RHBDD1: variants seen among roughly 807,000 people sequenced by gnomAD.
The protein encoded by RHBDD1 is rhomboid-related protein 4.
A neutral mutation model predicts 36.3 loss-of-function variants in RHBDD1; 38 were observed. That is an observed-to-expected ratio of 1.05 (90% CI 0.81 to 1.37). The LOEUF is 1.37. Among genes scored for constraint, RHBDD1 ranks in the 40% most tolerant of loss-of-function variants. The pLI is 0.00. For missense variants in RHBDD1, 393 were observed against 377.6 expected, an observed-to-expected ratio of 1.04 and a Z score of -0.34; for synonymous variants, 151 against 136.5, an observed-to-expected ratio of 1.11 and a Z score of -0.74.
chr2:226,864,089 C>T (rs1015381382), intron 3 of RHBDD1, among the ~76,000 whole-genome samples: 2 of 152,052 alleles, frequency 1.3e-5, no homozygotes, highest in African/African-American at 4.8e-5. Context: ...GAGTTCAGAC[C>T]ACTGATATCT....
intron 5 of RHBDD1, among the ~76,000 whole-genome samples, chr2:226,877,003 A>G (rs575400470): frequency 1.3e-5 from 2 of 152,204 alleles, no homozygotes; most frequent in Non-Finnish European, 2.9e-5. Context: ...TCCTAGAGCT[A>G]TATCATTTTG....
chr2:226,936,580 G>A (rs984258894), intron 8 of RHBDD1, among the ~76,000 whole-genome samples: 2 of 152,046 alleles, frequency 1.3e-5, no homozygotes, highest in African/African-American at 4.8e-5. Flanking sequence ...AACAATAAAA[G>A]CGTAAAGAAA....
At chr2:226,835,068 G>A (rs761128042), upstream of RHBDD1, among the ~76,000 whole-genome samples, 7 of 152,166 alleles carry the variant, frequency 4.6e-5, no homozygotes, top group African/African-American at 9.7e-5. Flanking sequence ...GGGCCACCGC[G>A]CCAGGCCTGT....
At chr2:226,853,084 CTTA>C (rs1267852008) in intron 3 of RHBDD1, among the ~76,000 whole-genome samples, 1 of 151,928 alleles carries the variant, frequency 6.6e-6, no homozygotes, top group East Asian at 1.9e-4. Flanking sequence ...ATTTTCTTTT[CTTA>C]TTATTAAATT....
At chr2:226,904,204 C>T (rs1162257816) in intron 5 of RHBDD1, among the ~76,000 whole-genome samples, 1 of 152,112 alleles carries the variant, frequency 6.6e-6, no homozygotes, top group East Asian at 1.9e-4. Flanking sequence ...CTGTGGACCG[C>T]AAGGTTAAAA....
At chr2:226,843,064 C>T (rs1941844417) in intron 3 of RHBDD1, among the ~76,000 whole-genome samples, 1 of 152,060 alleles carries the variant, frequency 6.6e-6, no homozygotes, top group Non-Finnish European at 1.5e-5. Context: ...TATGATTTGG[C>T]TTTCTGCTTG....
chr2:226,824,950 A>G, the RHBDD1 span, among the ~76,000 whole-genome samples: 1 of 152,234 alleles, frequency 6.6e-6, no homozygotes, highest in Admixed American at 6.5e-5. Flanking sequence ...CTACAGGCAC[A>G]CTGGAAAGCT....
intron 8 of RHBDD1, among the ~76,000 whole-genome samples, chr2:226,981,154 G>A (rs1010440492): frequency 1.3e-5 from 2 of 152,108 alleles, no homozygotes; most frequent in East Asian, 3.9e-4. Context: ...ACTCATAGGT[G>A]GAAATTGAAC....
At position 226,914,325 on chromosome 2, in the gene RHBDD1, C is replaced by T. The variant is rs772398468; in HGVS notation, c.830C>T (p.Ala277Val). The change falls in exon 8 of 9, where the codon GCA (alanine) becomes GTA (valine). Residue 277 changes from alanine (A) to valine (V), a missense_variant. Physicochemically the swap from Ala to Val is moderately conservative, Grantham distance 64. Transcript: ENST00000392062. The stretch of plus-strand genomic sequence containing the variant: ...AGTGAAGAAGAACAGCTCGAGAGAG[C>T]ATTACAAGCCAGCCTCTGGGACCGA... ...GLSEEEQLER[A>V]LQASLWDRGN... 4 of 1,613,068 alleles carry T rather than the reference C, an allele frequency of 2.5e-6. No homozygotes were observed. In the African/African-American group the frequency reaches 5.3e-5, roughly 22 times the overall value.
At chr2:226,810,543 A>G in the RHBDD1 span, among the ~76,000 whole-genome samples, 2 of 135,148 alleles carry the variant, frequency 1.5e-5, no homozygotes, top group African/African-American at 5.8e-5. Context: ...TCCGTCTCAA[A>G]AAAAAAAAAA....
chr2:226,841,944 C>A (rs912023064), intron 3 of RHBDD1, among the ~76,000 whole-genome samples: 1 of 152,192 alleles, frequency 6.6e-6, no homozygotes, highest in African/African-American at 2.4e-5. Flanking sequence ...TTCCCTGCAA[C>A]CTCGCCAGCA....
At chr2:226,866,028 A>T (rs1181627514) in intron 4 of RHBDD1, among the ~76,000 whole-genome samples, 1 of 152,234 alleles carries the variant, frequency 6.6e-6, no homozygotes, top group Non-Finnish European at 1.5e-5. Flanking sequence ...TAATTTATGC[A>T]GCAGATCCAC....
At chr2:226,817,279 T>A in the RHBDD1 span, among the ~76,000 whole-genome samples, 1 of 152,226 alleles carries the variant, frequency 6.6e-6, no homozygotes, top group East Asian at 1.9e-4. Flanking sequence ...TAAAAGTTAG[T>A]CCAGTTATTG....
At chr2:226,849,022 C>T (rs1416328429) in intron 3 of RHBDD1, among the ~76,000 whole-genome samples, 1 of 152,068 alleles carries the variant, frequency 6.6e-6, no homozygotes, top group East Asian at 1.9e-4. Context: ...CTTTTTCAGT[C>T]ATTAAAAAAT....
chr2:226,806,510 C>G, the RHBDD1 span, among the ~76,000 whole-genome samples: 1 of 152,200 alleles, frequency 6.6e-6, no homozygotes, highest in Non-Finnish European at 1.5e-5. Context: ...GCAATATTAA[C>G]CTCCAGCAAC....
At chr2:226,912,760 G>A (rs558053394) in intron 7 of RHBDD1, among the ~76,000 whole-genome samples, 2 of 152,138 alleles carry the variant, frequency 1.3e-5, no homozygotes, top group South Asian at 4.1e-4. Context: ...TGGGGATGAT[G>A]AAAATGTCCA....
At chr2:226,952,692 G>T (rs1452405446) in intron 8 of RHBDD1, among the ~76,000 whole-genome samples, 1 of 152,150 alleles carries the variant, frequency 6.6e-6, no homozygotes, top group African/African-American at 2.4e-5. Context: ...AACCTATATT[G>T]TGCCAGGTAT....
intron 5 of RHBDD1, among the ~76,000 whole-genome samples, chr2:226,876,268 G>A (rs769186372): frequency 6.6e-6 from 1 of 152,144 alleles, no homozygotes; most frequent in African/African-American, 2.4e-5. Context: ...TTGGTGGCAG[G>A]TGTCCATTTA....
At chr2:226,815,710 G>T in the RHBDD1 span, among the ~76,000 whole-genome samples, 1 of 151,306 alleles carries the variant, frequency 6.6e-6, no homozygotes. Context: ...TGTGTACTCT[G>T]GAGAAAAAAA....
Sources: allele counts gnomAD v4.1 joint callset (sites outside exome capture counted in the v4.1 genomes callset), GRCh38; gene constraint gnomAD v4.1.1; transcripts MANE v1.5; gene names NCBI Gene and HGNC (gene_info 2026-07-23, HGNC 2026-07-21).